The following LCOR variants were observed in gnomAD, a reference collection of about 807,000 sequenced individuals.
LCOR encodes the protein ligand dependent nuclear receptor corepressor.
LCOR carries 14 observed loss-of-function variants against 64.4 expected under a neutral mutation model. The ratio of observed to expected loss-of-function variants is 0.22; its 90% CI spans 0.14 to 0.34. LCOR has a LOEUF of 0.34. Among genes scored for constraint, LCOR ranks in the 10% least tolerant of loss-of-function variants. The pLI, the probability that LCOR is intolerant of heterozygous loss-of-function variation, is 1.00. For missense variants in LCOR, 1,686 were observed against 1,765.3 expected (o/e 0.96, Z 0.80); for synonymous variants, 643 against 642.5 (o/e 1.00, Z -0.01).
At chr10:96,846,139 G>A (rs1447655925) in intron 2 of LCOR, among the ~76,000 whole-genome samples, 1 of 152,054 alleles carries the variant, frequency 6.6e-6, no homozygotes, top group Admixed American at 6.5e-5. Flanking sequence ...TGTGGGAGGT[G>A]GAGGTTGCAG....
At chr10:96,872,020 G>C (rs1417516080) in intron 2 of LCOR, among the ~76,000 whole-genome samples, 1 of 152,184 alleles carries the variant, frequency 6.6e-6, no homozygotes, top group Non-Finnish European at 1.5e-5. Context: ...GATTGACATA[G>C]TCCATGCCAC....
chr10:96,985,331 G>A lies in LCOR; in HGVS notation c.*197G>A. On this transcript the variant is annotated 3_prime_UTR_variant, in exon 8 of 8. Transcript: ENST00000421806. ...GAGTCCTTCTCTGAGGCTAAGGGAA[G>A]TTATATATTATATTCTGGTTGTTCC... 1.7e-6 allele frequency: 1 copy of A among 603,646 alleles called. No homozygotes were observed. The highest frequency in any genetic ancestry group is 2.6e-6 in the Non-Finnish European group (1 of 384,228). The allele number at this position is 603,646 out of a possible 1,614,324, so 37.4% of individuals were successfully genotyped here.
intron 4 of LCOR, among the ~76,000 whole-genome samples, chr10:96,927,879 T>G (rs546239833): frequency 5.3e-5 from 8 of 152,334 alleles, no homozygotes; most frequent in Admixed American, 4.6e-4. Flanking sequence ...TCACATTATT[T>G]TTTTGGTTTC....
At chr10:96,974,104 A>G (rs1266446874) in intron 7 of LCOR, among the ~76,000 whole-genome samples, 2 of 152,244 alleles carry the variant, frequency 1.3e-5, no homozygotes, top group African/African-American at 4.8e-5. Flanking sequence ...AGATGGGGTT[A>G]TGAAACAACA....
intron 7 of LCOR, chr10:96,955,738 G>A (rs1247398150): frequency 1.2e-6 from 2 of 1,614,080 alleles, no homozygotes; most frequent in African/African-American, 1.3e-5. Context: ...AAAGCTCAGA[G>A]TATTTATGGG....
rs752948193 is a variant in LCOR, at chr10:96,983,065, G to T, written c.2605G>T (p.Gly869Cys). ...GCACCCTGGTGGGACAACACCTAAG[G>T]GCCTTCTACCTGACAGTTTCCACAC... ...EGHPGGTTPK[G>C]LLPDSFHTET... The change falls in exon 8 of 8, where the codon GGC becomes TGC. Residue 869 changes from glycine to cysteine, a missense_variant. Physicochemically the swap from Gly to Cys is radical, Grantham distance 159 (BLOSUM62 -3). Transcript: ENST00000421806. This position sits in a 1 kb window ranked among gnomAD's most constrained non-coding sequence, Gnocchi z 4.5. 6.2e-7 allele frequency: 1 copy of T among 1,613,640 alleles called. No homozygotes were observed. Among genetic ancestry groups the T allele is most frequent in the African/African-American group, 1.3e-5 (1 of 74,846 alleles).
chr10:96,948,452 A>C (rs978562336), intron 5 of LCOR, among the ~76,000 whole-genome samples: 1 of 152,206 alleles, frequency 6.6e-6, no homozygotes, highest in African/African-American at 2.4e-5. Flanking sequence ...TGTTTTTGCA[A>C]AGCTGTCAGG....
chr10:96,989,436 G>A lies in LCOR; in HGVS notation c.*4302G>A, dbSNP rs911470657. Reference sequence around the variant, plus strand: ...TAGATATGGAAAATGTTTTTTCACAGAGTAGAAACAAAGTCTGATCACAAT... The same window carrying A: ...TAGATATGGAAAATGTTTTTTCACAAAGTAGAAACAAAGTCTGATCACAAT... On this transcript the variant is annotated 3_prime_UTR_variant, in exon 8 of 8. Coordinates refer to ENST00000421806, the MANE Select transcript of LCOR (RefSeq NM_001346516.2). 6.6e-6 allele frequency: 1 copy of A among 151,974 alleles called. No individual in the cohort carries two copies. Among genetic ancestry groups the A allele is most frequent in the Non-Finnish European group, 1.5e-5 (1 of 68,018 alleles). 9.4% of individuals were successfully genotyped at this position (151,974 alleles called of 1,614,324 possible).
At chr10:96,920,434 G>GTATATATATGTATATTCA (rs765295602) in intron 4 of LCOR, among the ~76,000 whole-genome samples, 14 of 124,012 alleles carry the variant, frequency 1.1e-4, no homozygotes, top group East Asian at 1.1e-3. Flanking sequence ...ATATATATGT[G>GTATATATATGTATATTCA]TATATATGTG....
chr10:96,832,304 T>G lies in LCOR; in HGVS notation c.-499T>G. ...GCTGGGCCGGGCGGGCGGCAGAAGA[T>G]GGCGAGGGTGTGTAGGCGGCAGCAA... On this transcript the variant is annotated 5_prime_UTR_variant, in exon 1 of 8. An upstream start codon of the reference 5' UTR is lost. Coordinates refer to ENST00000421806, the MANE Select transcript of LCOR (RefSeq NM_001346516.2). 1 of 981,976 alleles carries G rather than the reference T, an allele frequency of 1.0e-6. No homozygotes were observed. The highest frequency in any genetic ancestry group is 1.2e-6 in the Non-Finnish European group (1 of 828,392). 60.8% of individuals were successfully genotyped at this position (981,976 alleles called of 1,614,324 possible).
At chr10:96,896,095 G>GA (rs1221934929) in intron 2 of LCOR, among the ~76,000 whole-genome samples, 39 of 151,044 alleles carry the variant, frequency 2.6e-4, no homozygotes, top group South Asian at 1.5e-3. Flanking sequence ...AAACTAAAAA[G>GA]AAAAAAAAAT....
Position 96,907,401 on chromosome 10 carries a change from C to G in LCOR, c.-264+71C>G, listed in dbSNP as rs1056007994. 9.1e-6 allele frequency: 4 copies of G among 439,470 alleles called. No individual in the cohort carries two copies. The Admixed American group carries it at 2.6e-4, about 28-fold the overall frequency. 27.2% of individuals were successfully genotyped at this position (439,470 alleles called of 1,614,324 possible). A position where few individuals can be genotyped will look rare whatever the true frequency, so the allele number is the denominator to read the frequency against. ...CATGATACGTTGGTGTTTTAAGCCT[C>G]AGTCTCCTTTTTATTCACGGTTTCA... is the stretch of plus-strand genomic sequence containing the variant. On this transcript the variant is annotated intron_variant, in intron 3 of 7. Coordinates refer to ENST00000421806, the MANE Select transcript of LCOR (RefSeq NM_001346516.2).
chr10:96,872,256 G>C (rs1846084179), intron 2 of LCOR, among the ~76,000 whole-genome samples: 1 of 152,250 alleles, frequency 6.6e-6, no homozygotes, highest in Non-Finnish European at 1.5e-5. Context: ...TGCTGAACCT[G>C]TGGAAATTTC....
intron 7 of LCOR, among the ~76,000 whole-genome samples, chr10:96,969,680 A>G (rs1406733316): frequency 2.6e-5 from 4 of 152,084 alleles, no homozygotes; most frequent in Non-Finnish European, 4.4e-5. Context: ...GGTTTTATCA[A>G]TTAGGGGTTG....
chr10:96,861,412 C>T (rs1378856282), intron 2 of LCOR, among the ~76,000 whole-genome samples: 2 of 152,128 alleles, frequency 1.3e-5, no homozygotes, highest in East Asian at 3.8e-4. Flanking sequence ...TTTTCCTCTG[C>T]TCACACCATA....
chr10:96,916,093 G>A (rs559600896), intron 4 of LCOR, among the ~76,000 whole-genome samples: 6 of 152,094 alleles, frequency 3.9e-5, no homozygotes, highest in African/African-American at 9.6e-5. Flanking sequence ...GTGCAGTGGC[G>A]CAATCTGGGC....
intron 2 of LCOR, among the ~76,000 whole-genome samples, chr10:96,896,677 C>T (rs933939263): frequency 6.6e-6 from 1 of 152,046 alleles, no homozygotes; most frequent in Non-Finnish European, 1.5e-5. Flanking sequence ...ACCCGCCCTG[C>T]CCTTCCAAAG....
chr10:96,955,621 C>T (rs781346235), intron 7 of LCOR: 1 of 1,614,172 alleles, frequency 6.2e-7, no homozygotes, highest in South Asian at 1.1e-5. Flanking sequence ...GAAGGAGACC[C>T]TGGCTCCAAG....
intron 4 of LCOR, among the ~76,000 whole-genome samples, chr10:96,934,925 T>G (rs1847321968): frequency 6.6e-6 from 1 of 152,114 alleles, no homozygotes; most frequent in Admixed American, 6.6e-5. Context: ...TTACTCCTAT[T>G]TAGTTTTATG....
Sources: allele counts gnomAD v4.1 joint callset (sites outside exome capture counted in the v4.1 genomes callset), GRCh38; gene constraint gnomAD v4.1.1; non-coding constraint Gnocchi (gnomAD v3.1); transcripts MANE v1.5; gene names NCBI Gene and HGNC (gene_info 2026-07-23, HGNC 2026-07-21).